INHBA: variants seen among roughly 807,000 people sequenced by gnomAD.
The protein encoded by INHBA is inhibin beta A chain.
INHBA carries 1 observed loss-of-function variant against 29.0 expected under a neutral mutation model. The observed-to-expected ratio is 0.03, with a 90% confidence interval of 0.01 to 0.16. The LOEUF (loss-of-function observed/expected upper bound fraction) is 0.16. Among genes scored for constraint, INHBA ranks in the 10% least tolerant of loss-of-function variants. INHBA has a pLI of 1.00. For missense variants in INHBA, 376 were observed against 545.4 expected (o/e 0.69, Z 3.09); for synonymous variants, 242 against 216.8 (o/e 1.12, Z -1.02).
chr7:41,690,111 C>T lies in INHBA; in HGVS notation c.820G>A (p.Gly274Arg), dbSNP rs768547360. The T allele has an allele frequency of 1.5e-5, 25 of 1,613,668 alleles. No homozygotes were observed. In the South Asian group the frequency reaches 1.9e-4, roughly 12 times the overall value. ...TCTGCTCCTGCCCCACCTTCACCTCCGCCCTTCTTTTTCCCTTCCCCCTCC... is the reference window on the plus strand; with the variant it reads ...TCTGCTCCTGCCCCACCTTCACCTCTGCCCTTCTTTTTCCCTTCCCCCTCC... The part of the protein sequence containing the change: ...EEEGEGKKKG[G>R]GEGGAGADEE... The change falls in exon 3 of 3, where the codon GGA becomes AGA. Residue 274 changes from glycine (G) to arginine (R), a missense_variant. Physicochemically the swap from Gly to Arg is moderately radical, Grantham distance 125. Coordinates refer to ENST00000242208, the MANE Select transcript of INHBA (RefSeq NM_002192.4).
At chr7:41,692,701 AT>A (rs1794550060) in intron 2 of INHBA, 1 of 152,260 alleles carries the variant, frequency 6.6e-6, no homozygotes, top group South Asian at 2.1e-4. Flanking sequence ...ATTAGATAGA[AT>A]ACCAGAGCAG....
rs1379353930 is a variant in INHBA, at chr7:41,700,204, G to T, written c.171C>A (p.Ala57=). The T allele has an allele frequency of 5.0e-6, 8 of 1,613,866 alleles. No homozygotes were observed. In the Admixed American group the frequency reaches 1.3e-4, roughly 27 times the overall value. ...GCATGTTTAAAATGTGCTTCTTGACGGCCTCCACCATCTCTGGCTGAGAGT... is the reference window on the plus strand; with the variant it reads ...GCATGTTTAAAATGTGCTTCTTGACTGCCTCCACCATCTCTGGCTGAGAGT... The part of the protein sequence containing the change: ...VPNSQPEMVE[A]VKKHILNMLH... Residue 57 remains alanine (A), a synonymous_variant, in exon 2 of 3, where the codon GCC becomes GCA. Transcript: ENST00000242208.
At position 41,700,264 on chromosome 7, in the gene INHBA, G is replaced by T; in HGVS notation, c.111C>A (p.Ser37=). Reference sequence around the variant, plus strand: ...CCTTTGGGAGGGCGGCCAGCGCACAGGACGGACAGTCGGGGGCCGCGCTGT... The same window carrying T: ...CCTTTGGGAGGGCGGCCAGCGCACATGACGGACAGTCGGGGGCCGCGCTGT... ...EGHSAAPDCP[S]CALAALPKDV... The change falls in exon 2 of 3, where the codon TCC becomes TCA. Residue 37 remains serine, a synonymous_variant. Transcript: ENST00000242208. 2 of 1,608,152 alleles carry T rather than the reference G, an allele frequency of 1.2e-6. No individual in the cohort carries two copies. Among genetic ancestry groups the T allele is most frequent in the Non-Finnish European group, 1.7e-6 (2 of 1,176,222 alleles).
intron 2 of INHBA, among the ~76,000 whole-genome samples, chr7:41,694,502 C>A (rs1248309565): frequency 6.6e-6 from 1 of 152,204 alleles, no homozygotes; most frequent in African/African-American, 2.4e-5. Context: ...AAATGAATGT[C>A]TTCCCATAGT....
intron 2 of INHBA, among the ~76,000 whole-genome samples, chr7:41,697,525 G>A (rs1007903555): frequency 1.3e-5 from 2 of 152,130 alleles, no homozygotes; most frequent in Non-Finnish European, 2.9e-5. Context: ...AAAATTAAAC[G>A]TAGCCTCAAA....
intron 1 of INHBA, among the ~76,000 whole-genome samples, chr7:41,701,450 G>C (rs1256199502): frequency 6.6e-6 from 1 of 152,162 alleles, no homozygotes; most frequent in African/African-American, 2.4e-5. Context: ...AATCTGAGGA[G>C]AGCGCAATGG....
upstream of INHBA, among the ~76,000 whole-genome samples, chr7:41,704,308 G>A (rs1794862095): frequency 6.6e-6 from 1 of 151,964 alleles, no homozygotes; most frequent in South Asian, 2.1e-4. Flanking sequence ...GCATGGGGGT[G>A]GGGGGAAGGA....
rs773386945 is a variant in INHBA, at chr7:41,700,077, A to T, written c.298T>A (p.Tyr100Asn). ...CCAATGTCATCCTCTATCTCCACAT[A>T]CCCGTTCTCCCCGACTTTGCCCACA... ...LHVGKVGENG[Y>N]VEIEDDIGRR... The change falls in exon 2 of 3, where the codon TAT (tyrosine) becomes AAT (asparagine). Residue 100 changes from tyrosine to asparagine, a missense_variant. Tyr to Asn is a moderately radical substitution (Grantham distance 143, BLOSUM62 -2). Transcript: ENST00000242208. 42 of 1,613,060 alleles carry T rather than the reference A, an allele frequency of 2.6e-5. No individual in the cohort carries two copies. In the South Asian group the frequency reaches 4.5e-4, roughly 17 times the overall value.
In INHBA at chr7:41,690,214, G is replaced by A. The variant is rs370035610; in HGVS notation, c.717C>T (p.Asp239=). The A allele has an allele frequency of 4.3e-6, 7 of 1,613,814 alleles. No homozygotes were observed. Among genetic ancestry groups the A allele is most frequent in the South Asian group, 1.1e-5 (1 of 91,076 alleles). The change falls in exon 3 of 3, where the codon GAC becomes GAT. Residue 239 remains aspartate (D), a synonymous_variant. Transcript: ENST00000242208. ...GGCACTGCTCACAGGCAATCCGAAC[G>A]TCCAGGGAGCTCTTGCCCTGGTCCA... The part of the protein sequence containing the change: ...RLLDQGKSSL[D]VRIACEQCQE...
At position 41,690,358 on chromosome 7, in the gene INHBA, C is replaced by G. The variant is rs138705117; in HGVS notation, c.573G>C (p.Glu191Asp). The G allele has an allele frequency of 1.2e-5, 20 of 1,614,122 alleles. No homozygotes were observed. The African/African-American group carries it at 2.4e-4, about 19-fold the overall frequency. ...CCCCCTTTAAGCCCACTTCCTCGGC[C>G]TCTTCCCCTGTGTCCAAGCTGCCCT... Reference protein sequence around the residue: ...HPQGSLDTGEEAEEVGLKGER... With the variant: ...HPQGSLDTGEDAEEVGLKGER... Residue 191 changes from glutamate to aspartate, a missense_variant, in exon 3 of 3, where the codon GAG becomes GAC. This residue lies in a region of INHBA where 253 missense variants were observed against 313.4 expected (regional missense o/e 0.81). Transcript: ENST00000242208.
intron 2 of INHBA, among the ~76,000 whole-genome samples, 159 bp downstream of exon 2, chr7:41,699,828 C>T (rs1243722938): frequency 1.3e-5 from 2 of 152,146 alleles, no homozygotes; most frequent in Admixed American, 6.5e-5. Flanking sequence ...CCTGCCTGCC[C>T]TCCGTCGGCT....
rs891229796 is a variant in INHBA, at chr7:41,703,079, T to C, written c.-218A>G. 9 of 152,204 alleles carry C rather than the reference T, an allele frequency of 5.9e-5. No individual in the cohort carries two copies. Among genetic ancestry groups the C allele is most frequent in the African/African-American group, 2.2e-4 (9 of 41,452 alleles). 9.4% of individuals were successfully genotyped at this position (152,204 alleles called of 1,614,324 possible). ...GAGCTGTCTGAGCTCCTCTTCATGG[T>C]ATTGGCACTGTGAAGTTTTATACTG... On this transcript the variant is annotated 5_prime_UTR_variant, in exon 1 of 3. It adds an upstream start codon to the 5' untranslated region. Coordinates refer to ENST00000242208, the MANE Select transcript of INHBA (RefSeq NM_002192.4).
In INHBA at chr7:41,689,615, A is replaced by G. The variant is rs1794456767; in HGVS notation, c.*35T>C. ...CATTTTGCCACTGTCTTCTCTGGAC[A>G]ACTCTTGCTCCCTTTCCCCCTGGGC... is the stretch of plus-strand genomic sequence containing the variant. On this transcript the variant is annotated 3_prime_UTR_variant, in exon 3 of 3. Transcript: ENST00000242208. 3 of 1,477,672 alleles carry G rather than the reference A, an allele frequency of 2.0e-6. No individual in the cohort carries two copies. Among genetic ancestry groups the G allele is most frequent in the Non-Finnish European group, 2.7e-6 (3 of 1,117,400 alleles). The allele number at this position is 1,477,672 out of a possible 1,614,324, so 91.5% of individuals were successfully genotyped here.
chr7:41,698,485 A>T (rs1005471870), intron 2 of INHBA, among the ~76,000 whole-genome samples: 8 of 152,170 alleles, frequency 5.3e-5, no homozygotes, highest in Non-Finnish European at 8.8e-5. Context: ...CACCATGAAA[A>T]GTTGAGAAAA....
At chr7:41,697,884 T>A (rs1023145120) in intron 2 of INHBA, among the ~76,000 whole-genome samples, 2 of 152,316 alleles carry the variant, frequency 1.3e-5, no homozygotes, top group Non-Finnish European at 2.9e-5. Context: ...ATTAAATACA[T>A]GAAATTACAT....
rs1021025014 is a variant in INHBA, at chr7:41,686,221, C to A, written c.*3429G>T. On this transcript the variant is annotated 3_prime_UTR_variant, in exon 3 of 3. Transcript: ENST00000242208. ...ACTCAGTGTGCTGAAATTCACCTGACTTTTTTGGAAAAAATAGTCGAAAAT... is the reference window on the plus strand; with the variant it reads ...ACTCAGTGTGCTGAAATTCACCTGAATTTTTTGGAAAAAATAGTCGAAAAT... The A allele has an allele frequency of 6.6e-6, 1 of 152,084 alleles. No individual in the cohort carries two copies. Among genetic ancestry groups the A allele is most frequent in the Non-Finnish European group, 1.5e-5 (1 of 67,988 alleles). 9.4% of individuals were successfully genotyped at this position (152,084 alleles called of 1,614,324 possible).
In INHBA at chr7:41,688,483, G is replaced by A. The variant is rs1583589730; in HGVS notation, c.*1167C>T. 6.6e-6 allele frequency: 1 copy of A among 152,016 alleles called. No homozygotes were observed. Among genetic ancestry groups the A allele is most frequent in the East Asian group, 1.9e-4 (1 of 5,172 alleles). The allele number at this position is 152,016 out of a possible 1,614,324, so 9.4% of individuals were successfully genotyped here. A position where few individuals can be genotyped will look rare whatever the true frequency, so the allele number is the denominator to read the frequency against. ...ACCAACCACAGACAGACTGTTTAAAGGCTCACACAAATGTCTTTGGTGTAT... is the reference window on the plus strand; with the variant it reads ...ACCAACCACAGACAGACTGTTTAAAAGCTCACACAAATGTCTTTGGTGTAT... On this transcript the variant is annotated 3_prime_UTR_variant, in exon 3 of 3. Transcript: ENST00000242208.
intron 2 of INHBA, among the ~76,000 whole-genome samples, chr7:41,698,405 C>G (rs1282735100): frequency 6.6e-6 from 1 of 152,162 alleles, no homozygotes; most frequent in Non-Finnish European, 1.5e-5. Context: ...GGAAGCAACC[C>G]TCTAGACCAC....
chr7:41,694,254 G>A (rs1007267278), intron 2 of INHBA, among the ~76,000 whole-genome samples: 1 of 152,182 alleles, frequency 6.6e-6, no homozygotes, highest in East Asian at 1.9e-4. Flanking sequence ...ATTAAGCCTC[G>A]GAATGTCCTA....
Sources: allele counts gnomAD v4.1 joint callset (sites outside exome capture counted in the v4.1 genomes callset), GRCh38; gene constraint gnomAD v4.1.1; regional missense constraint gnomAD v4.1.1; transcripts MANE v1.5; gene names NCBI Gene and HGNC (gene_info 2026-07-23, HGNC 2026-07-21).